The following FAM78B variants were observed in gnomAD, a reference collection of about 807,000 sequenced individuals.
FAM78B encodes family with sequence similarity 78 member B.
In FAM78B, 10 loss-of-function variants were observed where a neutral mutation model predicts 20.0. The ratio of observed to expected loss-of-function variants is 0.50; its 90% CI spans 0.31 to 0.85. The LOEUF is 0.85. Ranked by LOEUF, FAM78B falls within the 40% of genes least tolerant of loss-of-function variation. The pLI is 0.05. For missense variants in FAM78B, 283 were observed against 345.0 expected, an observed-to-expected ratio of 0.82 and a Z score of 1.42; for synonymous variants, 135 against 132.8, an observed-to-expected ratio of 1.02 and a Z score of -0.12.
chr1:166,136,505 A>G (rs143258584), intron 1 of FAM78B, among the ~76,000 whole-genome samples: 1 of 152,216 alleles, frequency 6.6e-6, no homozygotes, highest in African/African-American at 2.4e-5. Flanking sequence ...GTCTCTGCCA[A>G]CTCTCATTCC....
chr1:166,120,338 G>C (rs1654419876), intron 1 of FAM78B, among the ~76,000 whole-genome samples: 1 of 152,206 alleles, frequency 6.6e-6, no homozygotes. Flanking sequence ...ATGTGTGCCT[G>C]TGTGCTTTCC....
chr1:166,126,933 C>G (rs183408775), intron 1 of FAM78B, among the ~76,000 whole-genome samples: 1 of 152,104 alleles, frequency 6.6e-6, no homozygotes, highest in Admixed American at 6.5e-5. Flanking sequence ...TGGTATCTTC[C>G]CCTGTCAACC....
At chr1:166,069,277 T>C (rs1326762705), downstream of FAM78B, among the ~76,000 whole-genome samples, 1 of 147,512 alleles carries the variant, frequency 6.8e-6, no homozygotes, top group Non-Finnish European at 1.5e-5. Context: ...TATGTTCAGA[T>C]CATTCAGAAA....
At chr1:166,078,963 A>C (rs1222517595) in intron 1 of FAM78B, among the ~76,000 whole-genome samples, 2 of 138,692 alleles carry the variant, frequency 1.4e-5, no homozygotes, top group South Asian at 2.3e-4. Context: ...ATGGGGTCTC[A>C]CTCTGTCACC....
intron 1 of FAM78B, among the ~76,000 whole-genome samples, chr1:166,143,694 G>A (rs1222267546): frequency 6.6e-6 from 1 of 152,128 alleles, no homozygotes; most frequent in Admixed American, 6.6e-5. Flanking sequence ...TAATGAAGGT[G>A]AGAGGCAGTG....
intron 1 of FAM78B, among the ~76,000 whole-genome samples, chr1:166,099,949 A>G (rs1330453477): frequency 6.6e-6 from 1 of 152,226 alleles, no homozygotes; most frequent in Non-Finnish European, 1.5e-5. Context: ...CAACAGCCGC[A>G]GAATACAGAT....
chr1:166,088,489 T>A (rs1652927554), intron 1 of FAM78B, among the ~76,000 whole-genome samples: 1 of 152,164 alleles, frequency 6.6e-6, no homozygotes, highest in African/African-American at 2.4e-5. Flanking sequence ...CTCAGCAGCA[T>A]GACTGTCACG....
intron 1 of FAM78B, among the ~76,000 whole-genome samples, chr1:166,151,832 T>C (rs1278773114): frequency 2.0e-5 from 3 of 152,184 alleles, no homozygotes; most frequent in South Asian, 2.1e-4. Context: ...AACTTTATCA[T>C]GTAGACAAAT....
At chr1:166,141,534 C>T (rs534921922) in intron 1 of FAM78B, among the ~76,000 whole-genome samples, 101 of 152,288 alleles carry the variant, frequency 6.6e-4, no homozygotes, top group Middle Eastern at 3.4e-3. Context: ...TACTATGTGC[C>T]GGTAGCTAGG....
At chr1:166,115,291 T>C (rs1464237530) in intron 1 of FAM78B, among the ~76,000 whole-genome samples, 1 of 152,212 alleles carries the variant, frequency 6.6e-6, no homozygotes, top group African/African-American at 2.4e-5. Flanking sequence ...GATGGCCTCT[T>C]TGAGAATGTT....
intron 1 of FAM78B, chr1:166,154,666 C>T (rs1655824661): frequency 3.9e-6 from 2 of 514,220 alleles, no homozygotes; most frequent in Non-Finnish European, 8.1e-6. Context: ...GATGAAAAAA[C>T]AGGGGGAGGT....
At chr1:166,156,716 T>A (rs1359728341) in intron 1 of FAM78B, among the ~76,000 whole-genome samples, 1 of 152,126 alleles carries the variant, frequency 6.6e-6, no homozygotes, top group Non-Finnish European at 1.5e-5. Context: ...ATTTCAGGTG[T>A]TGGTCTCACT....
intron 1 of FAM78B, among the ~76,000 whole-genome samples, chr1:166,150,397 C>T (rs1172903843): frequency 1.3e-5 from 2 of 152,170 alleles, no homozygotes; most frequent in South Asian, 4.1e-4. Flanking sequence ...GAAAAGCTTA[C>T]TTTTCTCTAT....
chr1:166,142,436 G>T (rs1367758330), intron 1 of FAM78B, among the ~76,000 whole-genome samples: 2 of 152,188 alleles, frequency 1.3e-5, no homozygotes, highest in Non-Finnish European at 2.9e-5. Flanking sequence ...AGAGTCAGTG[G>T]TGCATTAGCA....
At chr1:166,147,553 G>A (rs1304082322) in intron 1 of FAM78B, among the ~76,000 whole-genome samples, 4 of 152,194 alleles carry the variant, frequency 2.6e-5, no homozygotes, top group African/African-American at 9.7e-5. Flanking sequence ...TGCTCAGACA[G>A]TTAATGTGCC....
intron 1 of FAM78B, among the ~76,000 whole-genome samples, chr1:166,089,917 G>A (rs114602315): frequency 0.013 from 1,920 of 152,206 alleles, 43 homozygotes; most frequent in African/African-American, 0.044. Flanking sequence ...GGCTGGCAGC[G>A]CTGCACAGAC....
At chr1:166,079,311 G>A (rs1652470756) in intron 1 of FAM78B, among the ~76,000 whole-genome samples, 1 of 152,134 alleles carries the variant, frequency 6.6e-6, no homozygotes, top group Non-Finnish European at 1.5e-5. Context: ...CTGTGGTGCT[G>A]AGAGGGTGGC....
chr1:166,096,684 TC>T (rs1336070455), intron 1 of FAM78B, among the ~76,000 whole-genome samples: 2 of 152,176 alleles, frequency 1.3e-5, no homozygotes, highest in Non-Finnish European at 2.9e-5. Flanking sequence ...AATGTTCTTG[TC>T]CTCCTCTCCT....
intron 1 of FAM78B, among the ~76,000 whole-genome samples, chr1:166,098,071 C>G (rs760627403): frequency 5.9e-5 from 9 of 152,274 alleles, no homozygotes; most frequent in Middle Eastern, 6.8e-3. Context: ...GTAGACAACT[C>G]CCAGTACCAA....
Sources: allele counts gnomAD v4.1 joint callset (sites outside exome capture counted in the v4.1 genomes callset), GRCh38; gene constraint gnomAD v4.1.1; transcripts MANE v1.5; gene names NCBI Gene and HGNC (gene_info 2026-07-23, HGNC 2026-07-21).